The following LNPK variants were observed in gnomAD, a reference collection of about 807,000 sequenced individuals.
LNPK encodes endoplasmic reticulum junction formation protein lunapark.
A neutral mutation model predicts 55.2 loss-of-function variants in LNPK; 29 were observed. That is an observed-to-expected ratio of 0.53 (90% CI 0.39 to 0.72). The LOEUF is 0.72. LNPK is among the 30% of genes least tolerant of loss of function. The pLI, the probability that LNPK is intolerant of heterozygous loss-of-function variation, is 0.00. For missense variants in LNPK, 467 were observed against 494.8 expected, an observed-to-expected ratio of 0.94 and a Z score of 0.53; for synonymous variants, 162 against 168.2, an observed-to-expected ratio of 0.96 and a Z score of 0.29.
chr2:175,936,958 T>C (rs1232835299), intron 12 of LNPK, among the ~76,000 whole-genome samples: 2 of 152,208 alleles, frequency 1.3e-5, no homozygotes, highest in East Asian at 3.8e-4. Flanking sequence ...AAACCTATTT[T>C]ATCAATATTA....
intron 12 of LNPK, among the ~76,000 whole-genome samples, chr2:175,933,715 A>G (rs1397110717): frequency 6.8e-6 from 1 of 148,148 alleles, no homozygotes; most frequent in East Asian, 2.0e-4. Flanking sequence ...GAGCAAATCA[A>G]TTAGACAAGT....
intron 8 of LNPK, among the ~76,000 whole-genome samples, chr2:175,958,091 C>G (rs910490436): frequency 3.3e-5 from 5 of 152,228 alleles, no homozygotes; most frequent in African/African-American, 1.2e-4. Flanking sequence ...CTCAGCTCAA[C>G]CAGGCCTGCC....
chr2:175,997,703 C>CTTTATATGTG (rs1491566543), intron 1 of LNPK, among the ~76,000 whole-genome samples: 1 of 45,818 alleles, frequency 2.2e-5, no homozygotes, highest in African/African-American at 6.9e-5. Flanking sequence ...AAAACAAATG[C>CTTTATATGTG]TCTGTGTGTG....
Position 175,997,666 on chromosome 2 carries a change from A to G in LNPK, c.-62-2020T>C, listed in dbSNP as rs373581104. Among the ~76,000 whole-genome samples, 18 of 151,348 alleles carry G rather than the reference A, an allele frequency of 1.2e-4. No individual in the cohort carries two copies. The East Asian group carries it at 1.6e-3, about 13-fold the overall frequency. On this transcript the variant is annotated intron_variant, in intron 1 of 12. Coordinates refer to ENST00000272748, the MANE Select transcript of LNPK (RefSeq NM_030650.3). ...CACCAACAATATCAGTTAAACACTT[A>G]GTAAGTACTTCATTTCTAGCGGCCC...
chr2:175,955,157 G>C (rs757446190), intron 8 of LNPK, among the ~76,000 whole-genome samples: 1 of 152,186 alleles, frequency 6.6e-6, no homozygotes, highest in South Asian at 2.1e-4. Context: ...AAAATCCTTT[G>C]ATTCTCCTTT....
Position 175,992,434 on chromosome 2 carries a change from T to C in LNPK, c.70-16A>G, listed in dbSNP as rs939923280. On this transcript the variant is annotated splice_polypyrimidine_tract_variant and intron_variant, in intron 3 of 12. Coordinates refer to ENST00000272748, the MANE Select transcript of LNPK (RefSeq NM_030650.3). ...CTTGAATTTCCTGTTAAGAGAAAATTATTCCATGTTAGTAAATTTCAAACT... is the reference window on the plus strand; with the variant it reads ...CTTGAATTTCCTGTTAAGAGAAAATCATTCCATGTTAGTAAATTTCAAACT... The C allele has an allele frequency of 7.1e-7, 1 of 1,402,586 alleles. No individual in the cohort carries two copies. Among genetic ancestry groups the C allele is most frequent in the Admixed American group, 2.7e-5 (1 of 36,740 alleles). 86.9% of individuals were successfully genotyped at this position (1,402,586 alleles called of 1,614,324 possible).
At chr2:175,965,677 T>A (rs1686290933) in intron 6 of LNPK, among the ~76,000 whole-genome samples, 1 of 152,230 alleles carries the variant, frequency 6.6e-6, no homozygotes. Flanking sequence ...AATGATTTAT[T>A]AGCCTTGCCT....
At chr2:175,943,055 G>A (rs1296272949) in intron 9 of LNPK, among the ~76,000 whole-genome samples, 1 of 151,482 alleles carries the variant, frequency 6.6e-6, no homozygotes, top group Admixed American at 6.6e-5. Flanking sequence ...AATTCTATAG[G>A]TTAGATAAAA....
In LNPK at chr2:175,947,702, G is replaced by A; in HGVS notation, c.494-10C>T. 2 of 1,596,018 alleles carry A rather than the reference G, an allele frequency of 1.3e-6. No homozygotes were observed. The highest frequency in any genetic ancestry group is 1.7e-6 in the Non-Finnish European group (2 of 1,166,960). On this transcript the variant is annotated splice_polypyrimidine_tract_variant and intron_variant, in intron 8 of 12. Transcript: ENST00000272748. ...GTTCGCTGACGAATCTCTGAGAAGA[G>A]TAAGTACATACTAGACTTAATTTCC...
rs900125511 is a variant in LNPK, at chr2:175,928,803, C to T, written c.*1164G>A. On this transcript the variant is annotated 3_prime_UTR_variant, in exon 13 of 13. Transcript: ENST00000272748. ...CATTTTTTCCAGTTAATCCTTAATA[C>T]AAATATTAAATCCAATTAACTACCA... is the stretch of plus-strand genomic sequence containing the variant. 3 of 151,976 alleles carry T rather than the reference C, an allele frequency of 2.0e-5. No individual in the cohort carries two copies. Among genetic ancestry groups the T allele is most frequent in the African/African-American group, 7.3e-5 (3 of 41,374 alleles). The allele number at this position is 151,976 out of a possible 1,614,324, so 9.4% of individuals were successfully genotyped here.
chr2:175,964,427 T>C lies in LNPK; in HGVS notation c.442-4A>G. ...CAGCAGATGGCGGCTCACACTCCTG[T>C]CAATTATAATAATGTTATTACAGTG... On this transcript the variant is annotated splice_region_variant and splice_polypyrimidine_tract_variant and intron_variant, in intron 7 of 12. Transcript: ENST00000272748. 1 of 1,612,444 alleles carries C rather than the reference T, an allele frequency of 6.2e-7. No individual in the cohort carries two copies. Among genetic ancestry groups the C allele is most frequent in the Non-Finnish European group, 8.5e-7 (1 of 1,178,490 alleles).
chr2:175,958,457 A>G (rs552709309), intron 8 of LNPK, among the ~76,000 whole-genome samples: 1 of 152,316 alleles, frequency 6.6e-6, no homozygotes, highest in East Asian at 1.9e-4. Flanking sequence ...GCAAACTGCA[A>G]CCGACCTGCA....
At chr2:175,995,163 G>C (rs1687875381) in intron 2 of LNPK, among the ~76,000 whole-genome samples, 1 of 151,642 alleles carries the variant, frequency 6.6e-6, no homozygotes, top group Non-Finnish European at 1.5e-5. Context: ...CTCATGATCT[G>C]CCCGCCTCAG....
intron 5 of LNPK, among the ~76,000 whole-genome samples, chr2:175,979,033 A>G (rs939100142): frequency 6.6e-6 from 1 of 152,160 alleles, no homozygotes; most frequent in African/African-American, 2.4e-5. Context: ...ATTTTTTTAA[A>G]AGCAAATGAT....
At chr2:175,959,363 G>T (rs1187758889) in intron 8 of LNPK, among the ~76,000 whole-genome samples, 1 of 152,172 alleles carries the variant, frequency 6.6e-6, no homozygotes, top group Non-Finnish European at 1.5e-5. Flanking sequence ...ACTAACAGCA[G>T]ATCTCTCAGC....
intron 5 of LNPK, among the ~76,000 whole-genome samples, chr2:175,979,510 A>G (rs1687071046): frequency 6.6e-6 from 1 of 151,954 alleles, no homozygotes; most frequent in African/African-American, 2.4e-5. Context: ...GTGAGCCGAG[A>G]TCGTGCCACT....
At chr2:175,971,430 T>G (rs1314021005) in intron 5 of LNPK, among the ~76,000 whole-genome samples, 1 of 152,204 alleles carries the variant, frequency 6.6e-6, no homozygotes. Context: ...ATGTTTGATT[T>G]ACAAATTATT....
chr2:175,992,446 G>T (rs778960497), intron 3 of LNPK, 28 bp from the exon 4 acceptor site: 13 of 1,337,648 alleles, frequency 9.7e-6, no homozygotes, highest in Non-Finnish European at 1.3e-5. Flanking sequence ...TTCCATGTTA[G>T]TAAATTTCAA....
At chr2:175,943,890 T>C (rs542097446) in intron 9 of LNPK, among the ~76,000 whole-genome samples, 6 of 152,230 alleles carry the variant, frequency 3.9e-5, no homozygotes, top group Non-Finnish European at 7.4e-5. Context: ...TGTCCACTCC[T>C]AGCACTTCTA....
Sources: gnomAD v4.1 joint callset for allele counts (sites outside exome capture counted in the v4.1 genomes callset) on GRCh38, gnomAD v4.1.1 for gene constraint, MANE v1.5 for transcripts, NCBI Gene and HGNC (gene_info 2026-07-23, HGNC 2026-07-21) for gene names.